Variants in NMNAT2 observed in about 807,000 individuals in gnomAD.
NMNAT2 encodes the protein nicotinamide nucleotide adenylyltransferase 2.
Under a neutral mutation model 41.6 loss-of-function variants are expected in NMNAT2, and 11 were observed. That is an observed-to-expected ratio of 0.26 (90% confidence interval 0.17 to 0.44). The LOEUF is 0.44. Ranked by LOEUF, NMNAT2 falls within the 20% of genes least tolerant of loss-of-function variation. The pLI is 1.00. For missense variants in NMNAT2, 288 were observed against 407.7 expected (o/e 0.71, Z 2.53); for synonymous variants, 148 against 151.2 (o/e 0.98, Z 0.16).
chr1:183,386,153 G>A, intron 1 of NMNAT2, among the ~76,000 whole-genome samples: 1 of 152,036 alleles, frequency 6.6e-6, no homozygotes, highest in Non-Finnish European at 1.5e-5. Context: ...TTTGTTACCG[G>A]AAGGACTATC....
intron 7 of NMNAT2, among the ~76,000 whole-genome samples, chr1:183,282,423 G>A (rs1249020244): frequency 1.3e-5 from 2 of 152,226 alleles, no homozygotes; most frequent in Non-Finnish European, 2.9e-5. Flanking sequence ...GATCACCACT[G>A]TCCTCTCCTG....
chr1:183,260,811 C>T (rs985595946), intron 10 of NMNAT2, among the ~76,000 whole-genome samples, 191 bp downstream of exon 10: 18 of 126,274 alleles, frequency 1.4e-4, no homozygotes, highest in African/African-American at 4.5e-4. Flanking sequence ...AAGAGTGAGA[C>T]GCTGTCTCAA....
At chr1:183,370,275 C>CACACACAG (rs1387839594) in intron 1 of NMNAT2, among the ~76,000 whole-genome samples, 1 of 147,064 alleles carries the variant, frequency 6.8e-6, no homozygotes, top group East Asian at 2.0e-4. Flanking sequence ...CACACACACA[C>CACACACAG]AGGCTGCAGT....
At chr1:183,392,512 A>G (rs1391031609) in intron 1 of NMNAT2, among the ~76,000 whole-genome samples, 1 of 152,214 alleles carries the variant, frequency 6.6e-6, no homozygotes, top group Non-Finnish European at 1.5e-5. Flanking sequence ...ATCATGTAAC[A>G]CTTTTCTTCA....
intron 1 of NMNAT2, among the ~76,000 whole-genome samples, chr1:183,366,566 TG>T (rs1663418288): frequency 6.6e-6 from 1 of 152,180 alleles, no homozygotes; most frequent in East Asian, 1.9e-4. Context: ...TTATCATTGT[TG>T]GTATTGCAGG....
rs201379556 is a variant in NMNAT2, at chr1:183,249,148, G to A, written c.*3493C>T. Reference sequence around the variant, plus strand: ...GACAGGAAGAACGGCGTCTCTAGAAGCTCTAGCTTTGGGTTTCAGGCACTT... The same window carrying A: ...GACAGGAAGAACGGCGTCTCTAGAAACTCTAGCTTTGGGTTTCAGGCACTT... On this transcript the variant is annotated 3_prime_UTR_variant, in exon 11 of 11. Transcript: ENST00000287713. 3 of 152,144 alleles carry A rather than the reference G, an allele frequency of 2.0e-5. No homozygotes were observed. The highest frequency in any genetic ancestry group is 1.3e-4 in the Admixed American group (2 of 15,266). The allele number at this position is 152,144 out of a possible 1,614,324, so 9.4% of individuals were successfully genotyped here. A position where few individuals can be genotyped will look rare whatever the true frequency, so the allele number is the denominator to read the frequency against.
In NMNAT2 at chr1:183,402,981, G is replaced by A. The variant is rs1406694118; in HGVS notation, c.85+15202C>T. Reference sequence around the variant, plus strand: ...ATATCTTTTTTTTTTTTTTTCTGAGGTGGGTGCAAGGACGTGATCTCGGCT... The same window carrying A: ...ATATCTTTTTTTTTTTTTTTCTGAGATGGGTGCAAGGACGTGATCTCGGCT... On this transcript the variant is annotated intron_variant, in intron 1 of 10. Coordinates refer to ENST00000287713, the MANE Select transcript of NMNAT2 (RefSeq NM_015039.4). 2.0e-5 allele frequency among the ~76,000 whole-genome samples: 3 copies of A among 148,860 alleles called. No individual in the cohort carries two copies. In the East Asian group the frequency reaches 5.9e-4, roughly 29 times the overall value.
intron 1 of NMNAT2, among the ~76,000 whole-genome samples, chr1:183,364,686 T>TCTTTCTTTCTTTCTTTCTTTCTTTC (rs71127345): frequency 4.1e-4 from 62 of 149,630 alleles, no homozygotes; most frequent in East Asian, 7.8e-4. Context: ...TTTCTTTCTT[T>TCTTTCTTTCTTTCTTTCTTTCTTTC]TTTTGTTGTT....
chr1:183,263,527 C>T (rs1408429482), intron 8 of NMNAT2, among the ~76,000 whole-genome samples: 1 of 152,144 alleles, frequency 6.6e-6, no homozygotes, highest in Non-Finnish European at 1.5e-5. Context: ...TCAATTAAAC[C>T]AGAATCTCGG....
intron 1 of NMNAT2, among the ~76,000 whole-genome samples, chr1:183,316,318 C>T (rs891485534): frequency 1.6e-4 from 25 of 152,152 alleles, no homozygotes; most frequent in Admixed American, 4.6e-4. Context: ...GGGTCTGTTG[C>T]CCCCAACTCC....
In NMNAT2 at chr1:183,261,087, A is replaced by C; in HGVS notation, c.754-18T>G. ...ATGTTGTTCTGAGGACAGAGCAGAC[A>C]GAGTCAGTTGCCAGTCCCTCCCACT... On this transcript the variant is annotated intron_variant, in intron 9 of 10. Coordinates refer to ENST00000287713, the MANE Select transcript of NMNAT2 (RefSeq NM_015039.4). The C allele has an allele frequency of 6.2e-7, 1 of 1,612,428 alleles. No homozygotes were observed.
At chr1:183,338,633 A>G (rs983414532) in intron 1 of NMNAT2, among the ~76,000 whole-genome samples, 1 of 152,316 alleles carries the variant, frequency 6.6e-6, no homozygotes, top group East Asian at 1.9e-4. Context: ...CAAGTTGGTA[A>G]ATGGAAAAGC....
intron 1 of NMNAT2, among the ~76,000 whole-genome samples, chr1:183,373,205 C>T (rs1443471691): frequency 6.6e-6 from 1 of 152,232 alleles, no homozygotes; most frequent in African/African-American, 2.4e-5. Flanking sequence ...TTCAAGTTGT[C>T]ATTTCCTGGT....
chr1:183,403,002 C>A (rs968918858), intron 1 of NMNAT2, among the ~76,000 whole-genome samples: 10 of 150,770 alleles, frequency 6.6e-5, no homozygotes, highest in South Asian at 4.2e-4. Flanking sequence ...GACGTGATCT[C>A]GGCTCACTGC....
chr1:183,316,342 T>C (rs1233541583), intron 1 of NMNAT2, among the ~76,000 whole-genome samples: 1 of 152,176 alleles, frequency 6.6e-6, no homozygotes, highest in Non-Finnish European at 1.5e-5. Flanking sequence ...CTGACATAAA[T>C]GGCTGCTCTG....
chr1:183,311,104 A>G (rs1192144334), intron 1 of NMNAT2, among the ~76,000 whole-genome samples: 1 of 152,098 alleles, frequency 6.6e-6, no homozygotes, highest in Non-Finnish European at 1.5e-5. Flanking sequence ...CTCCTGCCCA[A>G]CTGTCTTCTT....
intron 8 of NMNAT2, among the ~76,000 whole-genome samples, chr1:183,275,505 T>G (rs1387938370): frequency 6.6e-6 from 1 of 151,626 alleles, no homozygotes; most frequent in Non-Finnish European, 1.5e-5. Context: ...ATCCTTCTGC[T>G]GCCTCTGCAG....
At chr1:183,374,815 G>C (rs751318401) in intron 1 of NMNAT2, among the ~76,000 whole-genome samples, 2 of 152,090 alleles carry the variant, frequency 1.3e-5, no homozygotes, top group Admixed American at 6.5e-5. Context: ...CAGTCTTCAG[G>C]GCTGACAGCC....
chr1:183,318,647 A>G (rs1423335304), intron 1 of NMNAT2, among the ~76,000 whole-genome samples: 1 of 152,162 alleles, frequency 6.6e-6, no homozygotes, highest in Non-Finnish European at 1.5e-5. Flanking sequence ...CTCCCTGGGA[A>G]AAACCCTCAG....
Sources: gnomAD v4.1 joint callset for allele counts (sites outside exome capture counted in the v4.1 genomes callset) on GRCh38, gnomAD v4.1.1 for gene constraint, MANE v1.5 for transcripts, NCBI Gene and HGNC (gene_info 2026-07-23, HGNC 2026-07-21) for gene names.